C21orf91: variants seen among roughly 807,000 people sequenced by gnomAD.
C21orf91 encodes the protein protein EURL homolog.
Under a neutral mutation model 32.9 loss-of-function variants are expected in C21orf91, and 26 were observed. That is an observed-to-expected ratio of 0.79 (90% confidence interval 0.58 to 1.10). The LOEUF is 1.10. C21orf91 is among the 50% of genes least tolerant of loss of function. The probability of loss-of-function intolerance (pLI) is 0.00; values close to 1 mark genes in which losing one functional copy is unlikely to be tolerated. For synonymous variants in C21orf91, 126 were observed against 120.4 expected (o/e 1.05, Z -0.31); for missense variants, 310 against 341.3 (o/e 0.91, Z 0.72).
intron 2 of C21orf91, among the ~76,000 whole-genome samples, chr21:17,814,830 A>C (rs1157525491): frequency 6.6e-6 from 1 of 152,198 alleles, no homozygotes; most frequent in Non-Finnish European, 1.5e-5. Flanking sequence ...TCAACATGAG[A>C]TTTAGGTGGG....
intron 2 of C21orf91, among the ~76,000 whole-genome samples, chr21:17,812,038 G>GA (rs574442932): frequency 5.3e-5 from 8 of 149,892 alleles, no homozygotes; most frequent in African/African-American, 1.2e-4. Flanking sequence ...TAGGCAGGAG[G>GA]AAAAAAAAAT....
rs2062458238 is a variant in C21orf91, at chr21:17,789,747, G to A, written c.*3668C>T. ...AAAATACTGAGATGCAAGCATTATA[G>A]CCCTCCTCCAAGTTACCTTTATTTT... On this transcript the variant is annotated 3_prime_UTR_variant, in exon 5 of 5. Coordinates refer to ENST00000284881, the MANE Select transcript of C21orf91 (RefSeq NM_001100420.2). The A allele has an allele frequency of 6.6e-6, 1 of 152,032 alleles. No homozygotes were observed. 9.4% of individuals were successfully genotyped at this position (152,032 alleles called of 1,614,324 possible).
chr21:17,793,426 T>A lies in C21orf91; in HGVS notation c.883A>T (p.Ile295Leu). Residue 295 changes from isoleucine (I) to leucine (L), a missense_variant, in exon 5 of 5, where the codon ATA becomes TTA. Transcript: ENST00000284881. ...TAAGTCTGTTTAGGTCAGTTGTTTA[T>A]GGGTAGGTGCGACTTCATTCCTGTT... ...GRTGMKSHLP[I>L]NN 6.2e-7 allele frequency: 1 copy of A among 1,607,786 alleles called. No homozygotes were observed. The highest frequency in any genetic ancestry group is 1.3e-5 in the African/African-American group (1 of 74,876).
chr21:17,806,346 C>T (rs2062593720), intron 2 of C21orf91, among the ~76,000 whole-genome samples: 1 of 152,188 alleles, frequency 6.6e-6, no homozygotes, highest in Non-Finnish European at 1.5e-5. Flanking sequence ...AAATGAACTG[C>T]TCTTTAAAGA....
rs533671625 is a variant in C21orf91 at position 17,795,799 on chromosome 21, T to TA, written c.665-530dup. 2.0e-5 allele frequency among the ~76,000 whole-genome samples: 3 copies of TA among 152,280 alleles called. No individual in the cohort carries two copies. The South Asian group carries it at 6.2e-4, about 32-fold the overall frequency. ...GAAACATATTTTTTATCACTCCCAG[T>TA]ACATCACCACCCTCCAATGAAATAA... On this transcript the variant is annotated intron_variant, in intron 3 of 4. Coordinates refer to ENST00000284881, the MANE Select transcript of C21orf91 (RefSeq NM_001100420.2).
At chr21:17,805,820 T>G (rs2062590415) in intron 2 of C21orf91, among the ~76,000 whole-genome samples, 2 of 152,218 alleles carry the variant, frequency 1.3e-5, no homozygotes, top group African/African-American at 4.8e-5. Flanking sequence ...GTGAATGTAC[T>G]GACATTTATT....
chr21:17,805,929 G>T (rs1199007988), intron 2 of C21orf91, among the ~76,000 whole-genome samples: 1 of 151,940 alleles, frequency 6.6e-6, no homozygotes, highest in African/African-American at 2.4e-5. Flanking sequence ...CACTTACATG[G>T]GGCATATGGA....
chr21:17,813,444 AT>A (rs987912525), intron 2 of C21orf91, among the ~76,000 whole-genome samples: 1 of 152,196 alleles, frequency 6.6e-6, no homozygotes, highest in African/African-American at 2.4e-5. Flanking sequence ...AAGATTACAG[AT>A]TTTTCTTGTT....
At chr21:17,795,510 T>G (rs970658062) in intron 3 of C21orf91, among the ~76,000 whole-genome samples, 2 of 152,212 alleles carry the variant, frequency 1.3e-5, no homozygotes, top group African/African-American at 4.8e-5. Flanking sequence ...GGTCTCACTT[T>G]GTCACCCAGG....
chr21:17,800,484 AAATT>A (rs1245720091), intron 2 of C21orf91, among the ~76,000 whole-genome samples: 2 of 152,232 alleles, frequency 1.3e-5, no homozygotes, highest in Non-Finnish European at 2.9e-5. Flanking sequence ...TCATCAGTTC[AAATT>A]ATTATAGCAG....
At position 17,793,464 on chromosome 21, in the gene C21orf91, A is replaced by G. The variant is rs1449391178; in HGVS notation, c.845T>C (p.Leu282Pro). 1 of 1,613,366 alleles carries G rather than the reference A, an allele frequency of 6.2e-7. No individual in the cohort carries two copies. Among genetic ancestry groups the G allele is most frequent in the South Asian group, 1.1e-5 (1 of 90,990 alleles). The change falls in exon 5 of 5, where the codon CTG becomes CCG. Residue 282 changes from leucine (L) to proline (P), a missense_variant. By Grantham distance (98) the Leu-to-Pro change is moderately conservative (BLOSUM62 -3). Coordinates refer to ENST00000284881, the MANE Select transcript of C21orf91 (RefSeq NM_001100420.2). ...LLKNCSKLPC[L>P]QVGRTGMKSH... ...CTTCATTCCTGTTCGCCCTACTTGC[A>G]GACATGGTAACTTAGAACAGTTCTT...
intron 3 of C21orf91, among the ~76,000 whole-genome samples, chr21:17,795,855 A>G (rs1214068690): frequency 6.6e-6 from 1 of 152,202 alleles, no homozygotes; most frequent in African/African-American, 2.4e-5. Flanking sequence ...AGTAGGTCCA[A>G]TGAATTCTGG....
rs1464870647 is a variant in C21orf91 at position 17,792,629 on chromosome 21, G to C, written c.*786C>G. ...GCTAATAATGAAAGAAGCAAGAGGA[G>C]GCTTTCATTTCTATGGAGACAAATT... On this transcript the variant is annotated 3_prime_UTR_variant, in exon 5 of 5. Transcript: ENST00000284881. 6.6e-6 allele frequency: 1 copy of C among 152,028 alleles called. No homozygotes were observed. Among genetic ancestry groups the C allele is most frequent in the Non-Finnish European group, 1.5e-5 (1 of 67,984 alleles). 9.4% of individuals were successfully genotyped at this position (152,028 alleles called of 1,614,324 possible).
rs765826744 is a variant in C21orf91, at chr21:17,793,345, A to G, written c.*70T>C. On this transcript the variant is annotated 3_prime_UTR_variant, in exon 5 of 5. Coordinates refer to ENST00000284881, the MANE Select transcript of C21orf91 (RefSeq NM_001100420.2). ...AAAAAAACGGACCACAACTTTCTTC[A>G]AACTTCTTCAAAGTTTGCATGTCTG... 9.6e-6 allele frequency: 12 copies of G among 1,251,362 alleles called. No homozygotes were observed. In the Admixed American group the frequency reaches 3.2e-4, roughly 33 times the overall value. 77.5% of individuals were successfully genotyped at this position (1,251,362 alleles called of 1,614,324 possible). A position where few individuals can be genotyped will look rare whatever the true frequency, so the allele number is the denominator to read the frequency against.
At chr21:17,794,262 TG>T (rs1194158543) in intron 4 of C21orf91, among the ~76,000 whole-genome samples, 1 of 152,224 alleles carries the variant, frequency 6.6e-6, no homozygotes, top group African/African-American at 2.4e-5. Flanking sequence ...TTAACATCTC[TG>T]AAGTACAATT....
rs950128230 is a variant in C21orf91 at position 17,792,031 on chromosome 21, A to T, written c.*1384T>A. 6.6e-6 allele frequency: 1 copy of T among 152,192 alleles called. No homozygotes were observed. The highest frequency in any genetic ancestry group is 1.5e-5 in the Non-Finnish European group (1 of 68,008). The allele number at this position is 152,192 out of a possible 1,614,324, so 9.4% of individuals were successfully genotyped here. A position where few individuals can be genotyped will look rare whatever the true frequency, so the allele number is the denominator to read the frequency against. On this transcript the variant is annotated 3_prime_UTR_variant, in exon 5 of 5. Transcript: ENST00000284881. The stretch of plus-strand genomic sequence containing the variant: ...GCCAAATTTAAGGCAAATGTCATTT[A>T]TATCTTTATGCATGAAGCTGCCACG...
rs573802315 is a variant in C21orf91 at position 17,800,927 on chromosome 21, T to C, written c.128-3809A>G. On this transcript the variant is annotated intron_variant, in intron 2 of 4. Coordinates refer to ENST00000284881, the MANE Select transcript of C21orf91 (RefSeq NM_001100420.2). ...AGATGCTGGAGAGGATGTGGAGAAA[T>C]AGGAATGCTTTTACACTGTTGGTGG... is the stretch of plus-strand genomic sequence containing the variant. Among the ~76,000 whole-genome samples, 30 of 152,252 alleles carry C rather than the reference T, an allele frequency of 2.0e-4. No homozygotes were observed. The South Asian group carries it at 2.1e-3, about 11-fold the overall frequency.
At chr21:17,811,369 T>C (rs2062631384) in intron 2 of C21orf91, 1 of 152,214 alleles carries the variant, frequency 6.6e-6, no homozygotes, top group African/African-American at 2.4e-5. Flanking sequence ...AAAGTATAAA[T>C]TCCCTAAATA....
chr21:17,817,368 A>G (rs1193579076), intron 2 of C21orf91, among the ~76,000 whole-genome samples: 1 of 152,190 alleles, frequency 6.6e-6, no homozygotes, highest in Non-Finnish European at 1.5e-5. Flanking sequence ...AATTTCAAAT[A>G]TATAATACAG....
Sources: allele counts gnomAD v4.1 joint callset (sites outside exome capture counted in the v4.1 genomes callset), GRCh38; gene constraint gnomAD v4.1.1; transcripts MANE v1.5; gene names NCBI Gene and HGNC (gene_info 2026-07-23, HGNC 2026-07-21).